Variants in ACP3 observed in about 807,000 individuals in gnomAD.
ACP3 encodes the protein acid phosphatase 3.
A neutral mutation model predicts 45.6 loss-of-function variants in ACP3; 38 were observed. The observed-to-expected ratio is 0.83, with a 90% CI of 0.64 to 1.09. The LOEUF (loss-of-function observed/expected upper bound fraction) is 1.09. Ranked by LOEUF, ACP3 falls within the 50% of genes least tolerant of loss-of-function variation. The probability of loss-of-function intolerance (pLI) is 0.00; values close to 1 mark genes in which losing one functional copy is unlikely to be tolerated. For synonymous variants in ACP3, 162 were observed against 164.7 expected, an observed-to-expected ratio of 0.98 and a Z score of 0.13; for missense variants, 466 against 463.2, an observed-to-expected ratio of 1.01 and a Z score of -0.05.
At chr3:132,338,839 A>C (rs1024655842) in intron 5 of ACP3, among the ~76,000 whole-genome samples, 1 of 152,162 alleles carries the variant, frequency 6.6e-6, no homozygotes, top group African/African-American at 2.4e-5. Context: ...ATCTAGTTAA[A>C]TACCATTTTT....
At chr3:132,345,327 A>C (rs1559838083) in intron 7 of ACP3, among the ~76,000 whole-genome samples, 1 of 152,244 alleles carries the variant, frequency 6.6e-6, no homozygotes, top group Non-Finnish European at 1.5e-5. Flanking sequence ...TAGTATAATC[A>C]TAACTATTAC....
At chr3:132,333,409 C>G (rs998296833) in intron 4 of ACP3, 1 of 152,664 alleles carries the variant, frequency 6.6e-6, no homozygotes, top group African/African-American at 2.4e-5. Context: ...CCTGCAGTCC[C>G]ATCATAGGCA....
rs373257101 is a variant in ACP3 at position 132,331,562 on chromosome 3, G to GA, written c.217-75dup. ...CCATTGTTCATTCTACACACATAAT[G>GA]AAAAAAAAAATCAACAAATTTTTAT... On this transcript the variant is annotated intron_variant, in intron 2 of 9. Transcript: ENST00000336375. The GA allele has an allele frequency of 6.7e-3, 6,496 of 970,024 alleles. 26 individuals are homozygous for GA. Among genetic ancestry groups the GA allele is most frequent in the African/African-American group, 0.03 (1,731 of 58,640 alleles). The allele number at this position is 970,024 out of a possible 1,614,324, so 60.1% of individuals were successfully genotyped here.
intron 7 of ACP3, among the ~76,000 whole-genome samples, chr3:132,348,523 A>G (rs1559839520): frequency 6.6e-6 from 1 of 152,166 alleles, no homozygotes; most frequent in Non-Finnish European, 1.5e-5. Context: ...GAACTGATAT[A>G]TTCATGACCA....
chr3:132,357,632 A>G lies in ACP3; in HGVS notation c.*754A>G, dbSNP rs1423134203. ...TCTTGAAGTATATATATCATAGCAAATAAGTCATCTGATGAGAACAAGCTA... is the reference window on the plus strand; with the variant it reads ...TCTTGAAGTATATATATCATAGCAAGTAAGTCATCTGATGAGAACAAGCTA... On this transcript the variant is annotated 3_prime_UTR_variant, in exon 10 of 10. Transcript: ENST00000336375. The G allele has an allele frequency of 1.2e-5, 12 of 984,820 alleles. No individual in the cohort carries two copies. In the East Asian group the frequency reaches 9.1e-4, roughly 74 times the overall value. The allele number at this position is 984,820 out of a possible 1,614,324, so 61.0% of individuals were successfully genotyped here.
At chr3:132,336,279 A>G (rs1198035895) in intron 4 of ACP3, among the ~76,000 whole-genome samples, 1 of 152,082 alleles carries the variant, frequency 6.6e-6, no homozygotes, top group Non-Finnish European at 1.5e-5. Flanking sequence ...TAATAATAAT[A>G]AAAGGTATTA....
chr3:132,332,445 C>A, intron 4 of ACP3, 101 bp downstream of exon 4: 2 of 1,301,460 alleles, frequency 1.5e-6, no homozygotes, highest in Non-Finnish European at 1.1e-6. Context: ...ACTCCTTGAG[C>A]TGTGCAGTTT....
At chr3:132,345,086 T>C (rs1299503131) in intron 7 of ACP3, 27 bp downstream of exon 7, 7 of 1,600,050 alleles carry the variant, frequency 4.4e-6, no homozygotes, top group Non-Finnish European at 6.0e-6. Flanking sequence ...GAGAGGAGCA[T>C]ATTGGATTTG....
chr3:132,344,818 A>G (rs1576420506), intron 6 of ACP3, 109 bp from the exon 7 acceptor site: 15 of 1,264,598 alleles, frequency 1.2e-5, no homozygotes, highest in Non-Finnish European at 1.1e-6. Flanking sequence ...AAATGGCAGG[A>G]CAAGAAAGTC....
In ACP3 at chr3:132,357,405, T is replaced by A. The variant is rs1937933387; in HGVS notation, c.*527T>A. On this transcript the variant is annotated 3_prime_UTR_variant, in exon 10 of 10. Transcript: ENST00000336375. ...CTCAAGGAGAGGCAAAGAAAGGAGA[T>A]ACAGTGGAGACATCTGGAAAGTTTT... 2 of 985,372 alleles carry A rather than the reference T, an allele frequency of 2.0e-6. No individual in the cohort carries two copies. Among genetic ancestry groups the A allele is most frequent in the African/African-American group, 1.7e-5 (1 of 57,350 alleles). The allele number at this position is 985,372 out of a possible 1,614,324, so 61.0% of individuals were successfully genotyped here.
chr3:132,363,733 T>C (rs1041270036), downstream of ACP3, among the ~76,000 whole-genome samples: 7 of 149,694 alleles, frequency 4.7e-5, no homozygotes, highest in African/African-American at 1.5e-4. Context: ...AGGTCAGGAG[T>C]TCGAGACCAG....
intron 5 of ACP3, 38 bp downstream of exon 5, chr3:132,337,592 T>G: frequency 1.5e-6 from 2 of 1,374,846 alleles, no homozygotes; most frequent in Non-Finnish European, 2.0e-6. Context: ...CTTGTTAGTT[T>G]GTTAGTGGTA....
At position 132,356,688 on chromosome 3, in the gene ACP3, A is replaced by T; in HGVS notation, c.971A>T (p.Glu324Val). The T allele has an allele frequency of 6.2e-7, 1 of 1,613,944 alleles. No individual in the cohort carries two copies. The change falls in exon 10 of 10, where the codon GAG (glutamate) becomes GTG (valine). Residue 324 changes from glutamate (E) to valine (V), a missense_variant and splice_region_variant. Glu to Val is a moderately radical substitution (Grantham distance 121, BLOSUM62 -2). Coordinates refer to ENST00000336375, the MANE Select transcript of ACP3 (RefSeq NM_001099.5). ...HLTELYFEKG[E>V]YFVEMYYRNE... ...TCTCCTCTGCCTTTGTCTGCCAGGG[A>T]GTACTTTGTGGAGATGTACTATCGG...
chr3:132,335,795 T>TAA (rs1400800858), intron 4 of ACP3, among the ~76,000 whole-genome samples: 1 of 151,904 alleles, frequency 6.6e-6, no homozygotes, highest in Non-Finnish European at 1.5e-5. Context: ...CAAGGGACAG[T>TAA]AATAGGAAAA....
intron 9 of ACP3, among the ~76,000 whole-genome samples, chr3:132,354,916 A>T (rs2107817099): frequency 6.6e-6 from 1 of 152,320 alleles, no homozygotes; most frequent in African/African-American, 2.4e-5. Context: ...TGAGTCTTTT[A>T]AAATTGTTTC....
At chr3:132,330,166 C>T (rs1937374762) in intron 2 of ACP3, among the ~76,000 whole-genome samples, 1 of 151,998 alleles carries the variant, frequency 6.6e-6, no homozygotes, top group Non-Finnish European at 1.5e-5. Context: ...GCAATCCACC[C>T]GCCTTGGCCT....
downstream of ACP3, among the ~76,000 whole-genome samples, chr3:132,359,487 A>G (rs559907404): frequency 1.2e-3 from 177 of 152,044 alleles, no homozygotes; most frequent in Middle Eastern, 3.4e-3. Flanking sequence ...CAGCCTGGGC[A>G]ACAGAGCGAG....
At chr3:132,367,848 ACCT>A in exon 11 of ACP3, 1 of 1,482,962 alleles carries the variant, frequency 6.7e-7, no homozygotes, top group East Asian at 2.3e-5. Context: ...AGCCAGGCCA[ACCT>A]CCTGTGACAC....
intron 8 of ACP3, 70 bp from the exon 9 acceptor site, chr3:132,352,650 C>T: frequency 1.0e-6 from 1 of 1,002,916 alleles, no homozygotes; most frequent in South Asian, 1.3e-5. Flanking sequence ...CATCATGGTG[C>T]TGTACAAGTG....
Sources: allele counts gnomAD v4.1 joint callset (sites outside exome capture counted in the v4.1 genomes callset), GRCh38; gene constraint gnomAD v4.1.1; transcripts MANE v1.5; gene names NCBI Gene and HGNC (gene_info 2026-07-23, HGNC 2026-07-21).